The following TUSC3 variants were observed in gnomAD, a reference collection of about 807,000 sequenced individuals.
TUSC3 encodes the protein tumor suppressor candidate 3, also known as dolichyl-diphosphooligosaccharide--protein glycosyltransferase subunit TUSC3.
In TUSC3, 45 loss-of-function variants were observed where a neutral mutation model predicts 44.8. The ratio of observed to expected loss-of-function variants is 1.00; its 90% confidence interval spans 0.79 to 1.29. TUSC3 has a LOEUF of 1.29. Ranked by LOEUF, TUSC3 falls within the 50% of genes most tolerant of loss-of-function variation. The probability of loss-of-function intolerance (pLI) is 0.00; values close to 1 mark genes in which losing one functional copy is unlikely to be tolerated. For synonymous variants in TUSC3, 212 were observed against 152.9 expected (o/e 1.39, Z -2.85); for missense variants, 519 against 437.9 (o/e 1.19, Z -1.65).
chr8:15,476,356 T>A (rs576413058), intron 1 of TUSC3, among the ~76,000 whole-genome samples: 1 of 152,306 alleles, frequency 6.6e-6, no homozygotes, highest in South Asian at 2.1e-4. Context: ...TTTTGTATAG[T>A]TCAGAGGTTT....
At chr8:15,708,293 T>A (rs150317416) in intron 6 of TUSC3, among the ~76,000 whole-genome samples, 107 of 151,968 alleles carry the variant, frequency 7.0e-4, no homozygotes, top group African/African-American at 2.3e-3. Flanking sequence ...CTGAGAAAGT[T>A]GATTGGGAAT....
chr8:15,680,778 G>A (rs1215403286), intron 6 of TUSC3, among the ~76,000 whole-genome samples: 4 of 151,860 alleles, frequency 2.6e-5, no homozygotes. Context: ...ATGTGTTTGA[G>A]GATTTTTATC....
chr8:15,792,995 G>A, the TUSC3 span, among the ~76,000 whole-genome samples: 1 of 151,888 alleles, frequency 6.6e-6, no homozygotes, highest in African/African-American at 2.4e-5. Context: ...TTCTCTGGGG[G>A]AAAACAAAAA....
intron 6 of TUSC3, among the ~76,000 whole-genome samples, chr8:15,711,246 A>G (rs1294671993): frequency 6.6e-6 from 1 of 151,788 alleles, no homozygotes; most frequent in Non-Finnish European, 1.5e-5. Flanking sequence ...AAGCTGAGGC[A>G]GTATTTTAAG....
intron 6 of TUSC3, among the ~76,000 whole-genome samples, chr8:15,728,634 G>A (rs890018807): frequency 3.3e-5 from 5 of 152,174 alleles, no homozygotes; most frequent in Non-Finnish European, 5.9e-5. Flanking sequence ...GGGATAGAAA[G>A]GGATATCAGG....
intron 2 of TUSC3, among the ~76,000 whole-genome samples, chr8:15,497,874 A>G (rs564337432): frequency 1.3e-4 from 19 of 151,784 alleles, no homozygotes; most frequent in African/African-American, 4.4e-4. Flanking sequence ...CCTCCTGAGT[A>G]GTTGGGATTC....
rs148158444 is a variant in TUSC3 at position 15,748,974 on chromosome 8, T to A, written c.1028+509T>A. ...CTCATAAGATTTTCACCAACAAATA[T>A]ATTGAAAATTCAAAGGCCGCATTAT... On this transcript the variant is annotated intron_variant, in intron 9 of 10. Transcript: ENST00000503731. The A allele has an allele frequency of 2.6e-4, 89 of 345,758 alleles. 1 individual carries two copies. Among genetic ancestry groups the A allele is most frequent in the African/African-American group, 1.8e-3 (82 of 46,560 alleles). 21.4% of individuals were successfully genotyped at this position (345,758 alleles called of 1,614,324 possible).
rs1283182690 is a variant in TUSC3, at chr8:15,554,055, C to A, written c.138+13487C>A. On this transcript the variant is annotated intron_variant, in intron 1 of 10. Transcript: ENST00000503731. ...GATCAAGGTGACCTCAGATCCGTGTCTGGTGAGGCCCACTTTCTCGGAGAT... is the reference window on the plus strand; with the variant it reads ...GATCAAGGTGACCTCAGATCCGTGTATGGTGAGGCCCACTTTCTCGGAGAT... Among the ~76,000 whole-genome samples the A allele has an allele frequency of 2.6e-5, 4 of 151,558 alleles. No homozygotes were observed. The South Asian group carries it at 6.3e-4, about 24-fold the overall frequency.
chr8:15,678,558 A>G (rs1223061856), intron 6 of TUSC3, among the ~76,000 whole-genome samples: 3 of 152,356 alleles, frequency 2.0e-5, no homozygotes, highest in Non-Finnish European at 4.4e-5. Flanking sequence ...CTTGTAAACA[A>G]TCCTTCAGAA....
chr8:15,824,600 G>A, the TUSC3 span, among the ~76,000 whole-genome samples: 1 of 151,098 alleles, frequency 6.6e-6, no homozygotes, highest in Non-Finnish European at 1.5e-5. Flanking sequence ...ACACACTGGG[G>A]CCTGTTGTGG....
At chr8:15,784,087 T>C in the TUSC3 span, among the ~76,000 whole-genome samples, 3 of 152,036 alleles carry the variant, frequency 2.0e-5, no homozygotes, top group South Asian at 2.1e-4. Context: ...AGGCCAGATA[T>C]ATGAAAAAAT....
At chr8:15,572,723 G>T (rs9643927) in intron 1 of TUSC3, among the ~76,000 whole-genome samples, 1 of 151,970 alleles carries the variant, frequency 6.6e-6, no homozygotes, top group Non-Finnish European at 1.5e-5. Context: ...GTCATTGTTG[G>T]GTTATTCATT....
intron 1 of TUSC3, among the ~76,000 whole-genome samples, chr8:15,558,800 G>C (rs1307817157): frequency 6.9e-6 from 1 of 144,956 alleles, no homozygotes; most frequent in African/African-American, 2.5e-5. Flanking sequence ...GCATAGAGGT[G>C]TTTGTAGTAT....
At chr8:15,836,116 T>C in the TUSC3 span, among the ~76,000 whole-genome samples, 2 of 151,362 alleles carry the variant, frequency 1.3e-5, no homozygotes, top group Non-Finnish European at 2.9e-5. Context: ...TTTATTCTCA[T>C]ACTATTGTTT....
chr8:15,796,979 G>C, the TUSC3 span, among the ~76,000 whole-genome samples: 1 of 152,166 alleles, frequency 6.6e-6, no homozygotes. Flanking sequence ...TGGAGCCTCT[G>C]GTAGAGAAGC....
At chr8:15,850,476 C>T in the TUSC3 span, among the ~76,000 whole-genome samples, 12 of 152,092 alleles carry the variant, frequency 7.9e-5, no homozygotes, top group Non-Finnish European at 1.5e-4. Context: ...TACTATCTTC[C>T]TCCTAACACA....
intron 1 of TUSC3, among the ~76,000 whole-genome samples, chr8:15,599,796 C>A (rs1472177261): frequency 6.6e-6 from 1 of 151,164 alleles, no homozygotes; most frequent in African/African-American, 2.4e-5. Flanking sequence ...GCCAGTACCC[C>A]ACTGTCTTTA....
At chr8:15,795,813 G>T in the TUSC3 span, among the ~76,000 whole-genome samples, 6 of 152,172 alleles carry the variant, frequency 3.9e-5, no homozygotes, top group African/African-American at 1.4e-4. Context: ...GAGTAATGCA[G>T]TCAATCCTTA....
intron 1 of TUSC3, among the ~76,000 whole-genome samples, chr8:15,549,725 C>T (rs916544860): frequency 4.0e-5 from 6 of 151,542 alleles, no homozygotes; most frequent in African/African-American, 7.3e-5. Flanking sequence ...TTTTCTCGTA[C>T]TCATAATAGT....
Sources: allele counts gnomAD v4.1 joint callset (sites outside exome capture counted in the v4.1 genomes callset), GRCh38; gene constraint gnomAD v4.1.1; transcripts MANE v1.5; gene names NCBI Gene and HGNC (gene_info 2026-07-23, HGNC 2026-07-21).